PGM2L1: variants seen among roughly 807,000 people sequenced by gnomAD.
PGM2L1 encodes phosphoglucomutase 2 like 1.
PGM2L1 carries 35 observed loss-of-function variants against 73.4 expected under a neutral mutation model. The ratio of observed to expected loss-of-function variants is 0.48; its 90% CI spans 0.36 to 0.63. The LOEUF (loss-of-function observed/expected upper bound fraction) is 0.63, where lower values mean the gene tolerates loss of function less well. PGM2L1 is among the 30% of genes least tolerant of loss of function. The pLI is 0.00. For missense variants in PGM2L1, 570 were observed against 742.0 expected, an observed-to-expected ratio of 0.77 and a Z score of 2.69; for synonymous variants, 225 against 253.8, an observed-to-expected ratio of 0.89 and a Z score of 1.08.
In PGM2L1 at chr11:74,374,598, A is replaced by G; in HGVS notation, c.112-16T>C. On this transcript the variant is annotated splice_polypyrimidine_tract_variant and intron_variant, in intron 1 of 13. Transcript: ENST00000298198. ...TTTTGGGATTCTATAAAAAAGAAGTATTAAAACTTAACCAGGAATCCAAGC... is the reference window on the plus strand; with the variant it reads ...TTTTGGGATTCTATAAAAAAGAAGTGTTAAAACTTAACCAGGAATCCAAGC... The G allele has an allele frequency of 1.9e-6, 3 of 1,608,490 alleles. No individual in the cohort carries two copies. The highest frequency in any genetic ancestry group is 2.6e-6 in the Non-Finnish European group (3 of 1,176,002).
rs1048868843 is a variant in PGM2L1, at chr11:74,333,191, A to C, written c.*3461T>G. 1 of 152,146 alleles carries C rather than the reference A, an allele frequency of 6.6e-6. No homozygotes were observed. Among genetic ancestry groups the C allele is most frequent in the Non-Finnish European group, 1.5e-5 (1 of 68,022 alleles). 9.4% of individuals were successfully genotyped at this position (152,146 alleles called of 1,614,324 possible). ...ATTTTTAAAATTTTTATTCCCTTAAAAATAAAAAAAAGATTTTGAATAGAA... is the reference window on the plus strand; with the variant it reads ...ATTTTTAAAATTTTTATTCCCTTAACAATAAAAAAAAGATTTTGAATAGAA... On this transcript the variant is annotated 3_prime_UTR_variant, in exon 14 of 14. Transcript: ENST00000298198.
chr11:74,343,346 A>T lies in PGM2L1; in HGVS notation c.1289T>A (p.Leu430His). 1 of 1,608,288 alleles carries T rather than the reference A, an allele frequency of 6.2e-7. No homozygotes were observed. Among genetic ancestry groups the T allele is most frequent in the Non-Finnish European group, 8.5e-7 (1 of 1,178,554 alleles). The change falls in exon 10 of 14, where the codon CTT (leucine) becomes CAT (histidine). Residue 430 changes from leucine to histidine, a missense_variant. Coordinates refer to ENST00000298198, the MANE Select transcript of PGM2L1 (RefSeq NM_173582.6). The part of the protein sequence containing the change: ...IDLLENGKEV[L>H]FAFEESIGFL... ...ACCAATAGACTCTTCAAATGCAAAA[A>T]GGACTTCTTTCCCATTTTCCAGGAG...
intron 1 of PGM2L1, among the ~76,000 whole-genome samples, chr11:74,391,194 C>T (rs1323737773): frequency 6.6e-6 from 1 of 150,908 alleles, no homozygotes; most frequent in Middle Eastern, 3.2e-3. Context: ...CTGTTTTCCT[C>T]CTCCCTCCCT....
rs186930102 is a variant in PGM2L1, at chr11:74,336,545, C to T, written c.*107G>A. On this transcript the variant is annotated 3_prime_UTR_variant, in exon 14 of 14. Coordinates refer to ENST00000298198, the MANE Select transcript of PGM2L1 (RefSeq NM_173582.6). The stretch of plus-strand genomic sequence containing the variant: ...AAGAAAATAAAAGGAAAAAGATACT[C>T]GGCCAGATGAGATAGAGAGAGAATG... 9.1e-5 allele frequency: 55 copies of T among 602,516 alleles called. No individual in the cohort carries two copies. The Admixed American group carries it at 1.5e-3, about 17-fold the overall frequency. The allele number at this position is 602,516 out of a possible 1,614,324, so 37.3% of individuals were successfully genotyped here.
intron 9 of PGM2L1, 47 bp from the exon 10 acceptor site, chr11:74,343,463 T>A: frequency 1.3e-6 from 2 of 1,583,616 alleles, no homozygotes; most frequent in Non-Finnish European, 1.7e-6. Context: ...GTCTCACAAA[T>A]ACCTATTAGA....
rs73554612 is a variant in PGM2L1 at position 74,375,837 on chromosome 11, A to G, written c.112-1255T>C. On this transcript the variant is annotated intron_variant, in intron 1 of 13. Transcript: ENST00000298198. ...AATGGCACACACTAACAAATAACCT[A>G]CATAAAAATATGAATAGCTATTATG... Among the ~76,000 whole-genome samples the G allele has an allele frequency of 4.0e-3, 609 of 152,304 alleles. 6 individuals carry two copies. The highest frequency in any genetic ancestry group is 0.014 in the African/African-American group (576 of 41,578).
intron 1 of PGM2L1, among the ~76,000 whole-genome samples, chr11:74,386,697 A>G (rs1046020037): frequency 6.6e-6 from 1 of 152,000 alleles, no homozygotes; most frequent in Non-Finnish European, 1.5e-5. Context: ...GGCTGGTCTC[A>G]AACTCTGGGG....
intron 8 of PGM2L1, 112 bp from the exon 9 acceptor site, chr11:74,345,761 A>G: frequency 1.1e-6 from 1 of 922,630 alleles, no homozygotes; most frequent in Non-Finnish European, 1.6e-6. Context: ...AAACTATCAT[A>G]TGGGATTTTT....
intron 1 of PGM2L1, among the ~76,000 whole-genome samples, chr11:74,394,903 CCT>C (rs1863151392): frequency 1.3e-5 from 2 of 151,708 alleles, no homozygotes; most frequent in South Asian, 4.2e-4. Flanking sequence ...GCATTTGGTT[CCT>C]TTTTTAATTA....
rs1862084304 is a variant in PGM2L1, at chr11:74,335,619, A to G, written c.*1033T>C. 1 of 152,102 alleles carries G rather than the reference A, an allele frequency of 6.6e-6. No individual in the cohort carries two copies. 9.4% of individuals were successfully genotyped at this position (152,102 alleles called of 1,614,324 possible). ...TAAAATTAACATTACTTCATAAAAT[A>G]AAAGAATAAATCTACTTACAAAAAT... On this transcript the variant is annotated 3_prime_UTR_variant, in exon 14 of 14. Transcript: ENST00000298198.
chr11:74,361,619 G>A (rs949146227), intron 5 of PGM2L1, among the ~76,000 whole-genome samples: 5 of 152,208 alleles, frequency 3.3e-5, no homozygotes, highest in South Asian at 2.1e-4. Context: ...GAGGAAGTCC[G>A]AACCCAACAA....
In PGM2L1 at chr11:74,342,489, T is replaced by C; in HGVS notation, c.1604A>G (p.Tyr535Cys). 6.5e-7 allele frequency: 1 copy of C among 1,547,990 alleles called. No individual in the cohort carries two copies. ...ILHVRDVTTG[Y>C]DSSQPNKKSV... ...TTTCTTATTAGGCTGGCTACTGTCA[T>C]ATCCAGTGGTAACGTCCCGTACATG... The change falls in exon 12 of 14, where the codon TAT becomes TGT. Residue 535 changes from tyrosine (Y) to cysteine (C), a missense_variant. Physicochemically the swap from Tyr to Cys is radical, Grantham distance 194. Transcript: ENST00000298198.
chr11:74,354,953 G>C (rs1862420066), intron 5 of PGM2L1: 1 of 958,834 alleles, frequency 1.0e-6, no homozygotes, highest in African/African-American at 1.6e-5. Context: ...ACCACACTGT[G>C]AATGGCCACA....
At chr11:74,351,918 C>T (rs944439022) in intron 5 of PGM2L1, among the ~76,000 whole-genome samples, 8 of 150,398 alleles carry the variant, frequency 5.3e-5, no homozygotes, top group African/African-American at 1.2e-4. Context: ...GCTGAGATAG[C>T]GCCACCACAC....
At chr11:74,387,087 A>AGTTT (rs1383010221) in intron 1 of PGM2L1, among the ~76,000 whole-genome samples, 3 of 152,238 alleles carry the variant, frequency 2.0e-5, no homozygotes, top group African/African-American at 7.2e-5. Flanking sequence ...TTTCTCACAA[A>AGTTT]GCAAACATCC....
intron 6 of PGM2L1, 45 bp from the exon 7 acceptor site, chr11:74,347,382 A>T: frequency 7.2e-7 from 1 of 1,396,848 alleles, no homozygotes; most frequent in Non-Finnish European, 9.6e-7. Context: ...AAAACCTCTT[A>T]CCTTTGATAT....
Position 74,336,592 on chromosome 11 carries a change from G to A in PGM2L1, c.*60C>T. On this transcript the variant is annotated 3_prime_UTR_variant, in exon 14 of 14. Transcript: ENST00000298198. The stretch of plus-strand genomic sequence containing the variant: ...AATGCTAACACAAGGTTCAATGTAT[G>A]CAGTTCTCGGTTGCTCTGTTCCATA... 9.5e-7 allele frequency: 1 copy of A among 1,048,648 alleles called. No homozygotes were observed. The highest frequency in any genetic ancestry group is 1.4e-6 in the Non-Finnish European group (1 of 718,062). The allele number at this position is 1,048,648 out of a possible 1,614,324, so 65.0% of individuals were successfully genotyped here. A position where few individuals can be genotyped will look rare whatever the true frequency, so the allele number is the denominator to read the frequency against.
intron 5 of PGM2L1, among the ~76,000 whole-genome samples, chr11:74,364,939 G>C (rs1248108559): frequency 6.6e-6 from 1 of 152,122 alleles, no homozygotes; most frequent in Admixed American, 6.6e-5. Flanking sequence ...AAAGCTGGAG[G>C]CATCACACTA....
intron 10 of PGM2L1, 107 bp from the exon 11 acceptor site, chr11:74,343,121 A>T (rs1218489406): frequency 2.8e-6 from 4 of 1,412,898 alleles, no homozygotes; most frequent in Non-Finnish European, 3.8e-6. Flanking sequence ...CTAGTAATAG[A>T]TGAAACTCAT....
Sources: allele counts gnomAD v4.1 joint callset (sites outside exome capture counted in the v4.1 genomes callset), GRCh38; gene constraint gnomAD v4.1.1; transcripts MANE v1.5; gene names NCBI Gene and HGNC (gene_info 2026-07-23, HGNC 2026-07-21).